Variants in EIF4G3 observed in about 807,000 individuals in gnomAD.
The protein encoded by EIF4G3 is eIF-4-gamma 3.
EIF4G3 carries 34 observed loss-of-function variants against 186.4 expected under a neutral mutation model. That is an observed-to-expected ratio of 0.18 (90% confidence interval 0.14 to 0.24). EIF4G3 has a LOEUF of 0.24. EIF4G3 is among the 10% of genes least tolerant of loss of function. The pLI, the probability that EIF4G3 is intolerant of heterozygous loss-of-function variation, is 1.00. For synonymous variants in EIF4G3, 673 were observed against 679.5 expected, an observed-to-expected ratio of 0.99 and a Z score of 0.15; for missense variants, 1,536 against 1,948.5, an observed-to-expected ratio of 0.79 and a Z score of 3.99.
At chr1:20,926,019 C>G (rs1025805463) in intron 14 of EIF4G3, among the ~76,000 whole-genome samples, 2 of 152,184 alleles carry the variant, frequency 1.3e-5, no homozygotes, top group Non-Finnish European at 2.9e-5. Context: ...TTGTTATCAT[C>G]TACCTGTTTA....
chr1:21,157,031 C>A (rs2097674069), intron 2 of EIF4G3, among the ~76,000 whole-genome samples: 1 of 151,976 alleles, frequency 6.6e-6, no homozygotes. Flanking sequence ...GCACTCCAGC[C>A]TAGGCAACAA....
intron 3 of EIF4G3, among the ~76,000 whole-genome samples, chr1:21,082,098 G>C (rs1025159585): frequency 4.0e-5 from 6 of 150,782 alleles, no homozygotes; most frequent in African/African-American, 1.5e-4. Context: ...GCCTGGCCAA[G>C]TCTGACTTTT....
chr1:21,162,375 G>A (rs1290367088), intron 2 of EIF4G3, among the ~76,000 whole-genome samples: 3 of 151,522 alleles, frequency 2.0e-5, no homozygotes, highest in Non-Finnish European at 2.9e-5. Context: ...TTTGAACCCA[G>A]GAGGTGGACG....
At chr1:21,154,658 A>C (rs760712854) in intron 2 of EIF4G3, among the ~76,000 whole-genome samples, 1 of 152,174 alleles carries the variant, frequency 6.6e-6, no homozygotes, top group Admixed American at 6.5e-5. Context: ...CCTGAACACA[A>C]ATAGAAGTTC....
intron 22 of EIF4G3, among the ~76,000 whole-genome samples, chr1:20,863,376 AGT>A (rs1288768695): frequency 1.1e-5 from 1 of 92,654 alleles, no homozygotes; most frequent in East Asian, 9.2e-4. Flanking sequence ...CTCTACAAAA[AGT>A]AAAAAAAAAA....
At chr1:20,878,741 T>C (rs969995496) in intron 20 of EIF4G3, among the ~76,000 whole-genome samples, 12 of 152,284 alleles carry the variant, frequency 7.9e-5, no homozygotes, top group East Asian at 3.9e-4. Flanking sequence ...GACTGTGGAA[T>C]AGAGGACAAT....
chr1:20,865,917 TC>T (rs5772920), intron 20 of EIF4G3, among the ~76,000 whole-genome samples: 77,892 of 151,926 alleles, frequency 0.51, 20,859 homozygotes, highest in East Asian at 0.83. Flanking sequence ...ATAATTGTTT[TC>T]TAATAGTTGT....
In EIF4G3 at chr1:21,170,427, T is replaced by C. The variant is rs1236737012; in HGVS notation, c.-272+5748A>G. 2.0e-5 allele frequency among the ~76,000 whole-genome samples: 3 copies of C among 152,060 alleles called. No homozygotes were observed. The East Asian group carries it at 5.8e-4, about 29-fold the overall frequency. ...GGCTCATGCCTGTAATCCCAGCACT[T>C]TGGGAGGCTGAGATGGGTGGATCAC... On this transcript the variant is annotated intron_variant, in intron 2 of 36. Transcript: ENST00000602326.
intron 19 of EIF4G3, among the ~76,000 whole-genome samples, chr1:20,879,988 GCAGGAGT>G (rs1423285086): frequency 1.3e-5 from 2 of 151,402 alleles, no homozygotes; most frequent in Admixed American, 6.6e-5. Context: ...GAAACACTAG[GCAGGAGT>G]CTTTTAAAAT....
chr1:21,053,504 G>A (rs1323956752), intron 3 of EIF4G3, among the ~76,000 whole-genome samples: 15 of 143,396 alleles, frequency 1.0e-4, no homozygotes, highest in Non-Finnish European at 1.4e-4. Context: ...GAAGTGAGGA[G>A]TCCCTCTGCC....
At chr1:21,006,354 T>A (rs1400040034) in intron 4 of EIF4G3, among the ~76,000 whole-genome samples, 2 of 152,204 alleles carry the variant, frequency 1.3e-5, no homozygotes, top group Non-Finnish European at 1.5e-5. Context: ...TGAAGGATCA[T>A]TTCAATAATA....
Position 20,865,112 on chromosome 1 carries a change from T to C in EIF4G3, c.2769+4A>G. The C allele has an allele frequency of 6.2e-7, 1 of 1,614,072 alleles. No homozygotes were observed. Among genetic ancestry groups the C allele is most frequent in the Non-Finnish European group, 8.5e-7 (1 of 1,179,958 alleles). On this transcript the variant is annotated splice_donor_region_variant and intron_variant, in intron 21 of 36. Transcript: ENST00000602326. ...AAGCACTGTCTTTCTATGAAAATAC[T>C]TACAGCACTGGCAGCCTCAAGTTCT...
intron 7 of EIF4G3, among the ~76,000 whole-genome samples, chr1:20,984,559 TACACACACAC>T (rs61253859): frequency 7.0e-6 from 1 of 142,334 alleles, no homozygotes; most frequent in Non-Finnish European, 1.5e-5. Flanking sequence ...TATATATATA[TACACACACAC>T]ACACACACAC....
chr1:21,066,585 CA>C lies in EIF4G3; in HGVS notation c.-195-15592del, dbSNP rs1557794579. Among the ~76,000 whole-genome samples, 5 of 152,082 alleles carry C rather than the reference CA, an allele frequency of 3.3e-5. 1 individual carries two copies. Among genetic ancestry groups the C allele is most frequent in the African/African-American group, 9.7e-5 (4 of 41,402 alleles). ...ACAAAGAACAGTTTCTAATCCTTCA[CA>C]ATTTCTTGCCTACAGAATTCCCGAC... On this transcript the variant is annotated intron_variant, in intron 3 of 36. Coordinates refer to ENST00000602326, the MANE Select transcript of EIF4G3 (RefSeq NM_001391906.1).
intron 20 of EIF4G3, among the ~76,000 whole-genome samples, chr1:20,874,655 T>C (rs923662668): frequency 6.6e-6 from 1 of 152,194 alleles, no homozygotes; most frequent in African/African-American, 2.4e-5. Flanking sequence ...ACTCCTAGGT[T>C]GTGGTTTTAT....
chr1:20,867,152 T>C (rs1174083891), intron 20 of EIF4G3, among the ~76,000 whole-genome samples: 1 of 152,224 alleles, frequency 6.6e-6, no homozygotes, highest in Non-Finnish European at 1.5e-5. Context: ...TTCAGTTTTG[T>C]CATCTAAAAC....
rs2064844051 is a variant in EIF4G3 at position 20,830,489 on chromosome 1, GT to G, written c.4062-1218del. On this transcript the variant is annotated intron_variant, in intron 30 of 36. Transcript: ENST00000602326. ...TTCTCTCATTATGTGCATACTTTGG[GT>G]TCAGTTAATGTACCACTGATGAAAT... 2.0e-5 allele frequency among the ~76,000 whole-genome samples: 3 copies of G among 152,234 alleles called. No homozygotes were observed. The South Asian group carries it at 6.2e-4, about 32-fold the overall frequency.
chr1:20,908,376 G>A (rs2092628054), intron 14 of EIF4G3, among the ~76,000 whole-genome samples: 2 of 152,118 alleles, frequency 1.3e-5, no homozygotes, highest in South Asian at 2.1e-4. Flanking sequence ...TTTGTAAAAC[G>A]TCTAATGGAC....
intron 20 of EIF4G3, among the ~76,000 whole-genome samples, chr1:20,874,358 C>T (rs141194761): frequency 7.9e-4 from 120 of 152,220 alleles, no homozygotes; most frequent in African/African-American, 2.8e-3. Context: ...TTTTAATAAT[C>T]GCCATTCTGA....
Sources: allele counts gnomAD v4.1 joint callset (sites outside exome capture counted in the v4.1 genomes callset), GRCh38; gene constraint gnomAD v4.1.1; transcripts MANE v1.5; gene names NCBI Gene and HGNC (gene_info 2026-07-23, HGNC 2026-07-21).